The following HIP1 variants were observed in gnomAD, a reference collection of about 807,000 sequenced individuals.
HIP1 encodes the protein huntingtin interacting protein 1.
In HIP1, 65 loss-of-function variants were observed where a neutral mutation model predicts 147.6. The ratio of observed to expected loss-of-function variants is 0.44; its 90% CI spans 0.36 to 0.54. The LOEUF is 0.54. Among genes scored for constraint, HIP1 ranks in the 20% least tolerant of loss-of-function variants. HIP1 has a pLI of 0.00. For synonymous variants in HIP1, 479 were observed against 504.0 expected, an observed-to-expected ratio of 0.95 and a Z score of 0.67; for missense variants, 1,061 against 1,299.6, an observed-to-expected ratio of 0.82 and a Z score of 2.82.
At position 75,573,890 on chromosome 7, in the gene HIP1, G is replaced by A. The variant is rs1554497140; in HGVS notation, c.616C>T (p.Leu206=). 4 of 1,612,950 alleles carry A rather than the reference G, an allele frequency of 2.5e-6. No individual in the cohort carries two copies. The Admixed American group carries it at 6.7e-5, about 27-fold the overall frequency. ...LNLFQTVFNS[L]DMSRSVSVTA... ...ACGGACACAGAGCGGGACATGTCCA[G>A]GGAGTTGAATACTAGGAAATAAAAG... The change falls in exon 8 of 31, where the codon CTG becomes TTG. Residue 206 remains leucine (L), a synonymous_variant. Coordinates refer to ENST00000336926, the MANE Select transcript of HIP1 (RefSeq NM_005338.7).
chr7:75,611,773 G>T, intron 1 of HIP1: 5 of 1,038,240 alleles, frequency 4.8e-6, no homozygotes, highest in African/African-American at 1.7e-5. Context: ...CCCCTGAAAG[G>T]GTGGCATTGT....
chr7:75,725,824 A>ATTTT (rs60855107), intron 1 of HIP1, among the ~76,000 whole-genome samples: 5,272 of 136,450 alleles, frequency 0.039, 263 homozygotes, highest in East Asian at 0.17. Context: ...TGTGCTATGC[A>ATTTT]TTTTTTTTTT....
At position 75,634,799 on chromosome 7, in the gene HIP1, G is replaced by A. The variant is rs757161378; in HGVS notation, c.121-35552C>T. 1.5e-3 allele frequency among the ~76,000 whole-genome samples: 223 copies of A among 151,852 alleles called. 1 individual carries two copies. Among genetic ancestry groups the A allele is most frequent in the Non-Finnish European group, 1.7e-3 (116 of 67,940 alleles). On this transcript the variant is annotated intron_variant, in intron 1 of 30. Coordinates refer to ENST00000336926, the MANE Select transcript of HIP1 (RefSeq NM_005338.7). Reference sequence around the variant, plus strand: ...AATAAATAAAATAAAAATTAGCCTCGCTTGGTGGCTCATGTCTGTGGTCCT... The same window carrying A: ...AATAAATAAAATAAAAATTAGCCTCACTTGGTGGCTCATGTCTGTGGTCCT...
chr7:75,585,089 A>T (rs2116938750), intron 5 of HIP1, among the ~76,000 whole-genome samples: 1 of 151,238 alleles, frequency 6.6e-6, no homozygotes, highest in South Asian at 2.1e-4. Context: ...GCCTCAAGTG[A>T]TCCTCCTGCC....
At chr7:75,595,275 C>CCTTCCTTTCTTT (rs1796685836) in intron 2 of HIP1, among the ~76,000 whole-genome samples, 1 of 71,490 alleles carries the variant, frequency 1.4e-5, no homozygotes, top group South Asian at 4.2e-4. Flanking sequence ...TTCCTTCCTT[C>CCTTCCTTTCTTT]CTTCCTTCCT....
intron 27 of HIP1, among the ~76,000 whole-genome samples, chr7:75,543,817 C>T (rs143674690): frequency 3.5e-4 from 54 of 152,194 alleles, no homozygotes; most frequent in African/African-American, 5.8e-4. Context: ...AGGAAAGCCA[C>T]GAGGGACATG....
intron 1 of HIP1, among the ~76,000 whole-genome samples, chr7:75,641,421 T>C (rs1159320897): frequency 2.1e-5 from 3 of 145,388 alleles, no homozygotes; most frequent in Admixed American, 6.9e-5. Flanking sequence ...CCATGCTCAG[T>C]CTTCCCTCTA....
At chr7:75,557,621 C>T in intron 16 of HIP1, 33 bp downstream of exon 16, 1 of 1,496,894 alleles carries the variant, frequency 6.7e-7, no homozygotes, top group Non-Finnish European at 9.3e-7. Context: ...CAGCCCCCTC[C>T]CTCATTTCCC....
chr7:75,738,707 G>A, intron 1 of HIP1, 94 bp downstream of exon 1: 1 of 1,402,192 alleles, frequency 7.1e-7, no homozygotes, highest in Non-Finnish European at 9.7e-7. Flanking sequence ...GTCTTCAACT[G>A]GGGCCTGCAA....
chr7:75,645,416 G>C (rs1377190274), intron 1 of HIP1, among the ~76,000 whole-genome samples: 2 of 151,874 alleles, frequency 1.3e-5, no homozygotes, highest in South Asian at 2.1e-4. Context: ...TAGTAGAGAC[G>C]GGGTTTCACC....
chr7:75,599,417 C>G (rs781921276), intron 1 of HIP1, among the ~76,000 whole-genome samples, 170 bp from the exon 2 acceptor site: 2 of 152,126 alleles, frequency 1.3e-5, no homozygotes, highest in African/African-American at 4.8e-5. Flanking sequence ...AGGTGGGCAG[C>G]GCTCCCAGGA....
At chr7:75,548,542 C>T (rs1554491474) in intron 23 of HIP1, among the ~76,000 whole-genome samples, 1 of 151,958 alleles carries the variant, frequency 6.6e-6, no homozygotes, top group African/African-American at 2.4e-5. Context: ...TGCAGTGGTG[C>T]AATCATGGCT....
intron 1 of HIP1, among the ~76,000 whole-genome samples, chr7:75,650,596 G>A (rs1257407499): frequency 1.3e-5 from 2 of 152,032 alleles, no homozygotes; most frequent in African/African-American, 2.4e-5. Context: ...GGAATTACAG[G>A]TGCACACCAC....
At chr7:75,660,613 G>A (rs1799281613) in intron 1 of HIP1, among the ~76,000 whole-genome samples, 1 of 152,154 alleles carries the variant, frequency 6.6e-6, no homozygotes, top group South Asian at 2.1e-4. Flanking sequence ...GTTAAGAGCA[G>A]GGAGGGAATG....
chr7:75,652,254 T>G (rs1310508588), intron 1 of HIP1, among the ~76,000 whole-genome samples: 1 of 151,016 alleles, frequency 6.6e-6, no homozygotes, highest in African/African-American at 2.4e-5. Flanking sequence ...TTGGTGGAGG[T>G]TGCAGTGAGC....
Position 75,581,263 on chromosome 7 carries a change from T to A in HIP1, c.578A>T (p.Glu193Val). 6.2e-7 allele frequency: 1 copy of A among 1,611,798 alleles called. No homozygotes were observed. The highest frequency in any genetic ancestry group is 8.5e-7 in the Non-Finnish European group (1 of 1,178,938). Reference protein sequence around the residue: ...QLTVEMFDYLECELNLFQTVF... With the variant: ...QLTVEMFDYLVCELNLFQTVF... ...TGTTTGGAAGAGGTTGAGTTCACAC[T>A]CCAGGTAGTCAAACATCTCCACTGT... The change falls in exon 7 of 31, where the codon GAG (glutamate) becomes GTG (valine). Residue 193 changes from glutamate (E) to valine (V), a missense_variant. Physicochemically the swap from Glu to Val is moderately radical, Grantham distance 121 (BLOSUM62 -2). This residue lies in a region of HIP1 where 225 missense variants were observed against 292.9 expected (regional missense o/e 0.77). Transcript: ENST00000336926.
At chr7:75,653,380 TGG>T (rs1799051714) in intron 1 of HIP1, among the ~76,000 whole-genome samples, 1 of 152,132 alleles carries the variant, frequency 6.6e-6, no homozygotes, top group South Asian at 2.1e-4. Context: ...AGACTAGGCA[TGG>T]TGGCTTATAC....
At chr7:75,554,356 C>T in intron 20 of HIP1, 84 bp downstream of exon 20, 2 of 1,317,216 alleles carry the variant, frequency 1.5e-6, no homozygotes, top group South Asian at 1.2e-5. Flanking sequence ...TGCAGAGGGA[C>T]CTGTCACTAT....
intron 9 of HIP1, among the ~76,000 whole-genome samples, chr7:75,567,714 T>C (rs1028176396): frequency 5.5e-5 from 8 of 146,498 alleles, no homozygotes; most frequent in Non-Finnish European, 1.2e-4. Context: ...TGCAGGAGAA[T>C]CACTTGAACC....
Sources: allele counts gnomAD v4.1 joint callset (sites outside exome capture counted in the v4.1 genomes callset), GRCh38; gene constraint gnomAD v4.1.1; regional missense constraint gnomAD v4.1.1; transcripts MANE v1.5; gene names NCBI Gene and HGNC (gene_info 2026-07-23, HGNC 2026-07-21).